The following RORB variants were observed in gnomAD, a reference collection of about 807,000 sequenced individuals.
The protein encoded by RORB is nuclear receptor ROR-beta.
In RORB, 6 loss-of-function variants were observed where a neutral mutation model predicts 59.1. The ratio of observed to expected loss-of-function variants is 0.10; its 90% CI spans 0.06 to 0.20. The LOEUF (loss-of-function observed/expected upper bound fraction) is 0.20. Among genes scored for constraint, RORB ranks in the 10% least tolerant of loss-of-function variants. The probability of loss-of-function intolerance (pLI) is 1.00; values close to 1 mark genes in which losing one functional copy is unlikely to be tolerated. For synonymous variants in RORB, 215 were observed against 204.5 expected (o/e 1.05, Z -0.44); for missense variants, 320 against 560.5 (o/e 0.57, Z 4.33).
chr9:74,646,923 C>T (rs1823909672), intron 4 of RORB, among the ~76,000 whole-genome samples: 1 of 152,114 alleles, frequency 6.6e-6, no homozygotes, highest in South Asian at 2.1e-4. Context: ...TATTGATCAA[C>T]CTGAGCCACA....
chr9:74,525,397 A>G (rs1587341372), intron 1 of RORB, among the ~76,000 whole-genome samples: 2 of 152,104 alleles, frequency 1.3e-5, no homozygotes, highest in East Asian at 1.9e-4. Flanking sequence ...GGAAACCAAA[A>G]AGTTATATAG....
chr9:74,667,229 A>G (rs1254942384), intron 7 of RORB, among the ~76,000 whole-genome samples: 1 of 152,256 alleles, frequency 6.6e-6, no homozygotes. Flanking sequence ...GAAGGTAATA[A>G]TAAATAAACT....
chr9:74,552,002 C>T (rs539831786), intron 1 of RORB, among the ~76,000 whole-genome samples: 9 of 152,170 alleles, frequency 5.9e-5, no homozygotes, highest in East Asian at 5.8e-4. Context: ...GGACAAAGGA[C>T]GGTCAGTGGA....
At chr9:74,560,231 T>A (rs963010489) in intron 1 of RORB, among the ~76,000 whole-genome samples, 1 of 152,204 alleles carries the variant, frequency 6.6e-6, no homozygotes, top group African/African-American at 2.4e-5. Flanking sequence ...CAGCTTAGTC[T>A]ACAGAGTTCA....
Position 74,642,649 on chromosome 9 carries a change from C to G in RORB, c.471C>G (p.Asn157Lys). 3 of 1,614,202 alleles carry G rather than the reference C, an allele frequency of 1.9e-6. No individual in the cohort carries two copies. Among genetic ancestry groups the G allele is most frequent in the Non-Finnish European group, 2.5e-6 (3 of 1,180,044 alleles). ...IDLPKSEGYYNVDSGQPSPDQ... is the reference protein window; with the variant it reads ...IDLPKSEGYYKVDSGQPSPDQ... ...TGCCCAAGTCTGAGGGTTATTACAA[C>G]GTCGATTCCGGTCAGCCGTCCCCTG... Residue 157 changes from asparagine to lysine, a missense_variant, in exon 4 of 10, where the codon AAC becomes AAG. Around this residue, in one of 4 missense-constraint regions of RORB, gnomAD observed 134 missense variants for 156.2 expected, o/e 0.86. Coordinates refer to ENST00000376896, the MANE Select transcript of RORB (RefSeq NM_006914.4).
chr9:74,659,922 GGTT>G (rs1362672361), intron 4 of RORB, among the ~76,000 whole-genome samples: 1 of 151,924 alleles, frequency 6.6e-6, no homozygotes, highest in Non-Finnish European at 1.5e-5. Context: ...AAAAGAAAAA[GGTT>G]ATTATATAAA....
chr9:74,563,255 G>A (rs186246626), intron 1 of RORB, among the ~76,000 whole-genome samples: 2 of 147,094 alleles, frequency 1.4e-5, no homozygotes, highest in South Asian at 2.1e-4. Flanking sequence ...GCACAATCTC[G>A]GCTCACTGCA....
At chr9:74,505,076 A>G (rs987303656) in intron 1 of RORB, among the ~76,000 whole-genome samples, 5 of 152,172 alleles carry the variant, frequency 3.3e-5, no homozygotes, top group African/African-American at 9.6e-5. Flanking sequence ...AGAAACAGCA[A>G]GAGCTTTTTA....
intron 1 of RORB, among the ~76,000 whole-genome samples, chr9:74,521,432 A>T (rs10746959): frequency 2.7e-3 from 403 of 151,552 alleles, no homozygotes; most frequent in African/African-American, 9.3e-3. Flanking sequence ...AATTTACTCC[A>T]CTGTACAAAA....
chr9:74,512,029 C>G (rs143040417), intron 1 of RORB, among the ~76,000 whole-genome samples: 7 of 152,026 alleles, frequency 4.6e-5, no homozygotes, highest in African/African-American at 1.4e-4. Flanking sequence ...AAAACTTTTT[C>G]CATCATTGAG....
At chr9:74,620,567 T>C (rs1333957539) in intron 1 of RORB, among the ~76,000 whole-genome samples, 1 of 152,200 alleles carries the variant, frequency 6.6e-6, no homozygotes, top group Non-Finnish European at 1.5e-5. Context: ...CTGATTTTAG[T>C]TATTTCTTGC....
rs1411206878 is a variant in RORB at position 74,520,073 on chromosome 9, T to C, written c.7+22090T>C. 2.6e-5 allele frequency among the ~76,000 whole-genome samples: 4 copies of C among 151,128 alleles called. No homozygotes were observed. In the South Asian group the frequency reaches 6.2e-4, roughly 24 times the overall value. On this transcript the variant is annotated intron_variant, in intron 1 of 9. Coordinates refer to ENST00000376896, the MANE Select transcript of RORB (RefSeq NM_006914.4). Reference sequence around the variant, plus strand: ...GACTTAGAGAGAGAAGGAAAAAAAATAAAGCCTGCCCTTAAGGATTTCGCA... The same window carrying C: ...GACTTAGAGAGAGAAGGAAAAAAAACAAAGCCTGCCCTTAAGGATTTCGCA...
At chr9:74,665,884 A>T (rs572385956) in intron 7 of RORB, among the ~76,000 whole-genome samples, 1 of 152,278 alleles carries the variant, frequency 6.6e-6, no homozygotes, top group African/African-American at 2.4e-5. Context: ...GCTCATGCGT[A>T]TAATCCTAGA....
intron 8 of RORB, 60 bp from the exon 9 acceptor site, chr9:74,671,729 T>C (rs978168887): frequency 1.1e-4 from 110 of 998,050 alleles, no homozygotes; most frequent in Admixed American, 4.3e-4. Context: ...CACTTATGTA[T>C]GTGGGTGAAG....
At position 74,605,896 on chromosome 9, in the gene RORB, C is replaced by T. The variant is rs187190286; in HGVS notation, c.8-24386C>T. On this transcript the variant is annotated intron_variant, in intron 1 of 9. Transcript: ENST00000376896. ...GACACAGATTGCTATCATGTTCATT[C>T]CTAGGGTTCCTGGACCACATCTCAG... 1.7e-3 allele frequency among the ~76,000 whole-genome samples: 265 copies of T among 152,176 alleles called. 2 individuals are homozygous for T. The highest frequency in any genetic ancestry group is 5.7e-3 in the African/African-American group (235 of 41,512).
intron 1 of RORB, among the ~76,000 whole-genome samples, chr9:74,594,585 A>C (rs1467848767): frequency 6.6e-6 from 1 of 152,328 alleles, no homozygotes; most frequent in Non-Finnish European, 1.5e-5. Context: ...AAAAAGCAGA[A>C]AGTTGGGAAT....
At chr9:74,515,129 C>T (rs1221342916) in intron 1 of RORB, among the ~76,000 whole-genome samples, 2 of 149,428 alleles carry the variant, frequency 1.3e-5, no homozygotes, top group Non-Finnish European at 3.0e-5. Flanking sequence ...GAAAAAGATC[C>T]AATGAAGAAA....
intron 1 of RORB, among the ~76,000 whole-genome samples, chr9:74,567,032 C>CT (rs796676385): frequency 1.4e-3 from 205 of 146,874 alleles, no homozygotes; most frequent in South Asian, 7.2e-3. Context: ...CCACCCCACC[C>CT]TTTTTTTTTT....
chr9:74,634,251 G>T (rs970885396), intron 2 of RORB, among the ~76,000 whole-genome samples: 1 of 152,120 alleles, frequency 6.6e-6, no homozygotes, highest in Non-Finnish European at 1.5e-5. Context: ...ACAAACCTGT[G>T]TGATTTTTCC....
Sources: allele counts gnomAD v4.1 joint callset (sites outside exome capture counted in the v4.1 genomes callset), GRCh38; gene constraint gnomAD v4.1.1; regional missense constraint gnomAD v4.1.1; transcripts MANE v1.5; gene names NCBI Gene and HGNC (gene_info 2026-07-23, HGNC 2026-07-21).